PALLD: variants seen among roughly 807,000 people sequenced by gnomAD.
PALLD encodes palladin.
A neutral mutation model predicts 123.5 loss-of-function variants in PALLD; 61 were observed. That is an observed-to-expected ratio of 0.49 (90% confidence interval 0.40 to 0.61). The LOEUF is 0.61. Among genes scored for constraint, PALLD ranks in the 20% least tolerant of loss-of-function variants. The pLI, the probability that PALLD is intolerant of heterozygous loss-of-function variation, is 0.00. For synonymous variants in PALLD, 465 were observed against 496.4 expected (o/e 0.94, Z 0.84); for missense variants, 1,273 against 1,377.0 (o/e 0.92, Z 1.20).
At chr4:168,828,535 G>C (rs556250983) in intron 10 of PALLD, among the ~76,000 whole-genome samples, 4 of 152,264 alleles carry the variant, frequency 2.6e-5, no homozygotes, top group African/African-American at 9.6e-5. Flanking sequence ...CTGTGATTTG[G>C]TTTCACTGCC....
intron 2 of PALLD, among the ~76,000 whole-genome samples, chr4:168,580,685 G>T (rs1015536588): frequency 6.6e-5 from 10 of 152,154 alleles, no homozygotes; most frequent in African/African-American, 2.4e-4. Flanking sequence ...TATGTTTACT[G>T]CAGCACTATT....
At chr4:168,610,332 G>T (rs1183370956) in intron 2 of PALLD, among the ~76,000 whole-genome samples, 1 of 152,012 alleles carries the variant, frequency 6.6e-6, no homozygotes, top group East Asian at 1.9e-4. Flanking sequence ...GCCTCCATCG[G>T]TCCCCTTCCT....
At chr4:168,761,851 T>C (rs1485353649) in intron 10 of PALLD, among the ~76,000 whole-genome samples, 2 of 151,828 alleles carry the variant, frequency 1.3e-5, no homozygotes, top group Non-Finnish European at 2.9e-5. Context: ...TCTTTTTGCT[T>C]CCCTCATAAT....
chr4:168,864,781 A>G (rs1359790553), intron 10 of PALLD, among the ~76,000 whole-genome samples: 1 of 152,214 alleles, frequency 6.6e-6, no homozygotes, highest in Non-Finnish European at 1.5e-5. Context: ...ACTATACTAT[A>G]AAGTATTCTT....
intron 2 of PALLD, among the ~76,000 whole-genome samples, chr4:168,566,426 T>C (rs1384446662): frequency 6.6e-6 from 1 of 152,134 alleles, no homozygotes; most frequent in Non-Finnish European, 1.5e-5. Flanking sequence ...GCCTCCTAAG[T>C]AGCTGGAGCT....
chr4:168,606,413 G>T (rs141284874), intron 2 of PALLD, among the ~76,000 whole-genome samples: 5,090 of 152,192 alleles, frequency 0.033, 156 homozygotes, highest in South Asian at 0.11. Flanking sequence ...GGTGGCTCAG[G>T]CCTGTAATCC....
intron 10 of PALLD, chr4:168,863,748 T>C (rs921084321): frequency 1.3e-5 from 2 of 152,238 alleles, no homozygotes; most frequent in Non-Finnish European, 2.9e-5. Flanking sequence ...CTGTGATATA[T>C]TTTAAAGATC....
chr4:168,882,433 T>C (rs916545360), intron 10 of PALLD, among the ~76,000 whole-genome samples: 4 of 152,208 alleles, frequency 2.6e-5, no homozygotes, highest in African/African-American at 9.6e-5. Flanking sequence ...AGGAAAACTT[T>C]GTAACAAATT....
chr4:168,727,563 C>A (rs902288244), intron 10 of PALLD, among the ~76,000 whole-genome samples: 14 of 151,822 alleles, frequency 9.2e-5, no homozygotes, highest in African/African-American at 3.4e-4. Context: ...AAATGGGATT[C>A]TTTTTTATCT....
chr4:168,609,407 ATCC>A (rs1773519512), intron 2 of PALLD, among the ~76,000 whole-genome samples: 1 of 146,404 alleles, frequency 6.8e-6, no homozygotes, highest in Non-Finnish European at 1.5e-5. Context: ...TCCTGTTGTG[ATCC>A]CTCCAGGACA....
intron 10 of PALLD, among the ~76,000 whole-genome samples, chr4:168,752,956 G>A (rs956350967): frequency 6.6e-6 from 1 of 152,140 alleles, no homozygotes; most frequent in African/African-American, 2.4e-5. Flanking sequence ...GGAGAAGAAA[G>A]AGGAGGCAGC....
chr4:168,716,979 A>T (rs540039743), intron 10 of PALLD, among the ~76,000 whole-genome samples: 1 of 152,124 alleles, frequency 6.6e-6, no homozygotes, highest in South Asian at 2.1e-4. Flanking sequence ...TTGTCTTTCA[A>T]ATCTCAGCTT....
chr4:168,747,368 G>C (rs1730464516), intron 10 of PALLD, among the ~76,000 whole-genome samples: 1 of 152,206 alleles, frequency 6.6e-6, no homozygotes, highest in Non-Finnish European at 1.5e-5. Context: ...AGCATGCCCA[G>C]CTCTCAGCAA....
intron 2 of PALLD, among the ~76,000 whole-genome samples, chr4:168,547,566 CAAAAAAAAA>C (rs11339394): frequency 1.4e-5 from 1 of 70,936 alleles, no homozygotes; most frequent in African/African-American, 5.8e-5. Context: ...TAATAAAATA[CAAAAAAAAA>C]AAAAAAAAAA....
intron 8 of PALLD, among the ~76,000 whole-genome samples, chr4:168,692,834 G>A (rs1215543926): frequency 4.6e-5 from 7 of 152,310 alleles, no homozygotes; most frequent in African/African-American, 1.7e-4. Flanking sequence ...TCATCGTGTT[G>A]TTATACGTTG....
At chr4:168,598,620 C>A in intron 2 of PALLD, 1 of 323,530 alleles carries the variant, frequency 3.1e-6, no homozygotes, top group Non-Finnish European at 6.3e-6. Flanking sequence ...TTAATACCAG[C>A]TATATTATTC....
intron 2 of PALLD, among the ~76,000 whole-genome samples, chr4:168,609,210 A>AT (rs1393845512): frequency 2.6e-5 from 4 of 151,932 alleles, no homozygotes; most frequent in Non-Finnish European, 5.9e-5. Flanking sequence ...ATAGGGGTCT[A>AT]TTTTTTACTA....
chr4:168,758,255 A>C (rs1191227158), intron 10 of PALLD, among the ~76,000 whole-genome samples: 1 of 151,960 alleles, frequency 6.6e-6, no homozygotes, highest in East Asian at 1.9e-4. Context: ...TGTTGCTTTG[A>C]AGAGGATTTG....
chr4:168,680,566 A>G (rs1781457185), intron 3 of PALLD, among the ~76,000 whole-genome samples: 1 of 149,788 alleles, frequency 6.7e-6, no homozygotes, highest in African/African-American at 2.4e-5. Flanking sequence ...AATGGCATTT[A>G]GGAAGGTACC....
Sources: allele counts gnomAD v4.1 joint callset (sites outside exome capture counted in the v4.1 genomes callset), GRCh38; gene constraint gnomAD v4.1.1; transcripts MANE v1.5; gene names NCBI Gene and HGNC (gene_info 2026-07-23, HGNC 2026-07-21).